Variants in KCNC4 observed in about 807,000 individuals in gnomAD.
KCNC4 encodes potassium voltage-gated channel subfamily C member 4, also known as voltage-gated potassium channel KCNC4.
KCNC4 carries 23 observed loss-of-function variants against 42.8 expected under a neutral mutation model. The ratio of observed to expected loss-of-function variants is 0.54; its 90% confidence interval spans 0.39 to 0.76. The LOEUF is 0.76. KCNC4 is among the 30% of genes least tolerant of loss of function. KCNC4 has a pLI of 0.00. For missense variants in KCNC4, 751 were observed against 898.2 expected (o/e 0.84, Z 2.10); for synonymous variants, 422 against 393.5 (o/e 1.07, Z -0.86).
At chr1:110,257,590 G>A (rs1056196391) in intron 1 of KCNC4, among the ~76,000 whole-genome samples, 3 of 151,826 alleles carry the variant, frequency 2.0e-5, no homozygotes, top group African/African-American at 7.3e-5. Context: ...GCAAGGTGGC[G>A]GGCGCCTGTA....
chr1:110,233,203 A>G lies in KCNC4; in HGVS notation c.*231A>G. ...ATATGCACATATAGTATCTATATTC[A>G]TACATATTATACTCTTGTGTGTAGT... On this transcript the variant is annotated 3_prime_UTR_variant, in exon 4 of 4. Transcript: ENST00000438661. 2 of 603,566 alleles carry G rather than the reference A, an allele frequency of 3.3e-6. No individual in the cohort carries two copies. Among genetic ancestry groups the G allele is most frequent in the Non-Finnish European group, 5.9e-6 (2 of 340,940 alleles). 37.4% of individuals were successfully genotyped at this position (603,566 alleles called of 1,614,324 possible).
intron 1 of KCNC4, among the ~76,000 whole-genome samples, chr1:110,280,486 G>A (rs563335336): frequency 4.0e-5 from 6 of 151,812 alleles, no homozygotes; most frequent in African/African-American, 1.4e-4. Flanking sequence ...GGCCTGGATA[G>A]GAAACAGGTC....
rs111228657 is a variant in KCNC4 at position 110,270,435 on chromosome 1, G to C, written n.31-12099G>C. ...GCATCTGCCTGAAGATCAAACCAAA[G>C]CTAAGGAGTTGGATGAGGCTATACT... On this transcript the variant is annotated intron_variant and non_coding_transcript_variant, in intron 1 of 2. Transcript: ENST00000412512. Among the ~76,000 whole-genome samples, 1,451 of 152,322 alleles carry C rather than the reference G, an allele frequency of 9.5e-3. 18 individuals carry two copies. Among genetic ancestry groups the C allele is most frequent in the African/African-American group, 0.034 (1,396 of 41,564 alleles).
In KCNC4 at chr1:110,233,700, G is replaced by T. The variant is rs1328833906; in HGVS notation, c.*728G>T. On this transcript the variant is annotated 3_prime_UTR_variant, in exon 4 of 4. Transcript: ENST00000438661. Reference sequence around the variant, plus strand: ...GTCAAAGATGCTGCTGGGCAGACAGGCAGGGAAAGGATCTGTCTGCCCATC... The same window carrying T: ...GTCAAAGATGCTGCTGGGCAGACAGTCAGGGAAAGGATCTGTCTGCCCATC... 6.6e-6 allele frequency: 1 copy of T among 152,510 alleles called. No individual in the cohort carries two copies. Among genetic ancestry groups the T allele is most frequent in the Non-Finnish European group, 1.5e-5 (1 of 68,296 alleles). 9.4% of individuals were successfully genotyped at this position (152,510 alleles called of 1,614,324 possible). A position where few individuals can be genotyped will look rare whatever the true frequency, so the allele number is the denominator to read the frequency against.
At chr1:110,215,764 A>G (rs188862348) in intron 1 of KCNC4, among the ~76,000 whole-genome samples, 6 of 152,326 alleles carry the variant, frequency 3.9e-5, no homozygotes, top group African/African-American at 1.4e-4. Context: ...TATTGTTAAC[A>G]TCTGTGTATC....
downstream of KCNC4, chr1:110,234,362 G>T (rs1025873495): frequency 6.6e-6 from 1 of 152,140 alleles, no homozygotes; most frequent in African/African-American, 2.4e-5. Flanking sequence ...ACTGCATTCC[G>T]TTTGTGCAGG....
At chr1:110,275,101 A>C (rs1659694275) in intron 1 of KCNC4, among the ~76,000 whole-genome samples, 1 of 152,224 alleles carries the variant, frequency 6.6e-6, no homozygotes, top group African/African-American at 2.4e-5. Context: ...ATATTTGCAA[A>C]CTATGCATCT....
intron 1 of KCNC4, among the ~76,000 whole-genome samples, chr1:110,263,485 GCAT>G (rs1173724303): frequency 2.0e-5 from 3 of 152,040 alleles, no homozygotes; most frequent in Non-Finnish European, 4.4e-5. Context: ...ATTCACTTTG[GCAT>G]CCTTCAGCCA....
At chr1:110,278,025 T>C (rs535731340) in intron 1 of KCNC4, among the ~76,000 whole-genome samples, 1 of 152,304 alleles carries the variant, frequency 6.6e-6, no homozygotes, top group South Asian at 2.1e-4. Flanking sequence ...CATATGCCTA[T>C]AGTCCCAGTT....
Position 110,233,450 on chromosome 1 carries a change from TC to T in KCNC4, c.*479del. 1 of 195,928 alleles carries T rather than the reference TC, an allele frequency of 5.1e-6. No homozygotes were observed. The highest frequency in any genetic ancestry group is 9.3e-5 in the South Asian group (1 of 10,790). The allele number at this position is 195,928 out of a possible 1,614,324, so 12.1% of individuals were successfully genotyped here. ...CCTGTCAGCAAGTAACCTGGTGAAG[TC>T]TATTGAAGGCCAGACTGCCCCCTAG... is the stretch of plus-strand genomic sequence containing the variant. On this transcript the variant is annotated 3_prime_UTR_variant, in exon 4 of 4. Coordinates refer to ENST00000438661, the MANE Select transcript of KCNC4 (RefSeq NM_001039574.3).
intron 1 of KCNC4, among the ~76,000 whole-genome samples, chr1:110,258,066 C>T (rs1416900410): frequency 1.3e-5 from 2 of 152,186 alleles, no homozygotes; most frequent in African/African-American, 4.8e-5. Context: ...TACCTGGGCA[C>T]ATTGCTATGC....
At chr1:110,255,660 T>G (rs1192963677) in intron 1 of KCNC4, among the ~76,000 whole-genome samples, 1 of 152,090 alleles carries the variant, frequency 6.6e-6, no homozygotes, top group African/African-American at 2.4e-5. Context: ...GGAGACTGAG[T>G]GCCAGGACAA....
At chr1:110,269,442 G>A (rs1659603458) in intron 1 of KCNC4, among the ~76,000 whole-genome samples, 1 of 152,128 alleles carries the variant, frequency 6.6e-6, no homozygotes, top group African/African-American at 2.4e-5. Context: ...TCTGGAGTCT[G>A]GCTTCTTTCA....
chr1:110,221,537 CCTTGTATT>C (rs954689350), intron 1 of KCNC4: 2 of 152,256 alleles, frequency 1.3e-5, no homozygotes, highest in African/African-American at 2.4e-5. Flanking sequence ...TCCCAGGTCC[CCTTGTATT>C]CTTCATTGGT....
At chr1:110,226,211 C>T (rs1039184220) in intron 3 of KCNC4, 33 bp downstream of exon 3, 1 of 1,600,898 alleles carries the variant, frequency 6.2e-7, no homozygotes, top group African/African-American at 1.3e-5. Flanking sequence ...GGTGGGGAGC[C>T]CCCACAGAGC....
chr1:110,232,155 A>C, intron 3 of KCNC4: 1 of 1,522,678 alleles, frequency 6.6e-7, no homozygotes, highest in South Asian at 1.2e-5. Context: ...GGGATCCCAA[A>C]AGGGCTCTCT....
intron 1 of KCNC4, among the ~76,000 whole-genome samples, chr1:110,270,336 C>A (rs999641903): frequency 1.3e-5 from 2 of 152,152 alleles, no homozygotes; most frequent in African/African-American, 4.8e-5. Context: ...GTCAGCAGAT[C>A]CCTCAGGGAA....
downstream of KCNC4, chr1:110,235,712 G>A (rs970265231): frequency 3.9e-5 from 6 of 152,274 alleles, no homozygotes; most frequent in African/African-American, 1.4e-4. Context: ...TGTCAAGGAA[G>A]AAAGGGCTCT....
chr1:110,227,515 G>A (rs984238823), intron 3 of KCNC4, among the ~76,000 whole-genome samples: 6 of 152,212 alleles, frequency 3.9e-5, no homozygotes, highest in African/African-American at 7.2e-5. Context: ...GCAGATGGAG[G>A]GTGCTCAGAC....
Sources: gnomAD v4.1 joint callset for allele counts (sites outside exome capture counted in the v4.1 genomes callset) on GRCh38, gnomAD v4.1.1 for gene constraint, MANE v1.5 for transcripts, NCBI Gene and HGNC (gene_info 2026-07-23, HGNC 2026-07-21) for gene names.